The following SELENOW variants were observed in gnomAD, a reference collection of about 807,000 sequenced individuals.
SELENOW encodes selenoprotein W, 1.
A neutral mutation model predicts 16.6 loss-of-function variants in SELENOW; 20 were observed. That is an observed-to-expected ratio of 1.21 (90% confidence interval 0.85 to 1.76). The LOEUF (loss-of-function observed/expected upper bound fraction) is 1.76. Among genes scored for constraint, SELENOW ranks in the 40% most tolerant of loss-of-function variants. The pLI, the probability that SELENOW is intolerant of heterozygous loss-of-function variation, is 0.00. For synonymous variants in SELENOW, 44 were observed against 46.2 expected (o/e 0.95, Z 0.19); for missense variants, 124 against 111.0 (o/e 1.12, Z -0.53).
intron 1 of SELENOW, chr19:47,779,919 G>C (rs1310285207): frequency 3.6e-6 from 1 of 281,374 alleles, no homozygotes; most frequent in Non-Finnish European, 7.4e-6. Flanking sequence ...CTGGACTGCA[G>C]GTGACAGGGG....
At position 47,780,728 on chromosome 19, in the gene SELENOW, C is replaced by T. The variant is rs909196158; in HGVS notation, c.33C>T (p.Gly11=). Residue 11 remains glycine (G), a synonymous_variant, in exon 2 of 6, where the codon GGC becomes GGT. Coordinates refer to ENST00000601048, the MANE Select transcript of SELENOW (RefSeq NM_003009.4). MALAVRVVYC[G]AUGYKSKYLQ... ...ATGTCTTGGACTCTCCTACCAGTGG[C>T]GCTTGAGGCTACAAGTCCAAGGTAA... 1.2e-5 allele frequency: 18 copies of T among 1,560,950 alleles called. No homozygotes were observed. The highest frequency in any genetic ancestry group is 1.7e-4 in the Middle Eastern group (1 of 6,026).
At chr19:47,779,174 C>A (rs116732324) in intron 1 of SELENOW, 2,884 of 258,656 alleles carry the variant, frequency 0.011, 77 homozygotes, top group African/African-American at 0.06. Flanking sequence ...CCCAATATCC[C>A]GAACAGTCGC....
intron 1 of SELENOW, 57 bp from the exon 2 acceptor site, chr19:47,780,668 G>A (rs1281431084): frequency 1.1e-5 from 16 of 1,493,690 alleles, no homozygotes; most frequent in Admixed American, 2.0e-5. Flanking sequence ...TCCTCTCCCC[G>A]ATCCCCCACT....
At chr19:47,780,389 C>A (rs1967459023) in intron 1 of SELENOW, 1 of 429,888 alleles carries the variant, frequency 2.3e-6, no homozygotes, top group Non-Finnish European at 4.4e-6. Flanking sequence ...TGGTTTTCCC[C>A]CGTCCCCGTC....
intron 1 of SELENOW, chr19:47,780,516 G>C: frequency 1.7e-6 from 1 of 599,634 alleles, no homozygotes; most frequent in Non-Finnish European, 3.0e-6. Context: ...CACCCCCTGT[G>C]CTGTGTCCCA....
chr19:47,778,895 G>T lies in SELENOW; in HGVS notation c.29+81G>T, dbSNP rs2123695736. ...GGAGCCGGGGTCAGGGAGCCCCGGG[G>T]AGAGGACCCATGGGAGCCCTTGTAT... On this transcript the variant is annotated intron_variant, in intron 1 of 5. Transcript: ENST00000601048. The T allele has an allele frequency of 3.5e-6, 5 of 1,436,930 alleles. No homozygotes were observed. The South Asian group carries it at 6.2e-5, about 18-fold the overall frequency. 89.0% of individuals were successfully genotyped at this position (1,436,930 alleles called of 1,614,324 possible). A position where few individuals can be genotyped will look rare whatever the true frequency, so the allele number is the denominator to read the frequency against.
At chr19:47,778,920 T>G in intron 1 of SELENOW, 106 bp downstream of exon 1, 1 of 1,142,222 alleles carries the variant, frequency 8.8e-7, no homozygotes, top group Non-Finnish European at 1.2e-6. Flanking sequence ...AGCCCTTGTA[T>G]GGGAAAAGGG....
chr19:47,780,553 T>A, intron 1 of SELENOW, 172 bp from the exon 2 acceptor site: 1 of 625,448 alleles, frequency 1.6e-6, no homozygotes, highest in Non-Finnish European at 2.9e-6. Flanking sequence ...GTGCCTGTCT[T>A]CTCTCTTGAG....
chr19:47,781,941 GGATGACAGCTGAGATGGGGTATGCAA>G (rs1967482227), intron 5 of SELENOW, among the ~76,000 whole-genome samples: 1 of 152,100 alleles, frequency 6.6e-6, no homozygotes, highest in Admixed American at 6.6e-5. Flanking sequence ...GAGGTATGCA[GGATGACAGCTGAGATGGGGTATGCAA>G]GATGACAGCT....
chr19:47,783,802 A>G (rs1967502390), intron 5 of SELENOW: 1 of 152,238 alleles, frequency 6.6e-6, no homozygotes. Context: ...AAAGGAAAAG[A>G]AAAATGGAAT....
At chr19:47,780,307 G>A in intron 1 of SELENOW, 1 of 362,702 alleles carries the variant, frequency 2.8e-6, no homozygotes, top group Admixed American at 3.6e-5. Flanking sequence ...CGAGGGCTGT[G>A]GGTGAGGGTG....
At chr19:47,780,631 C>A in intron 1 of SELENOW, 94 bp from the exon 2 acceptor site, 2 of 1,075,448 alleles carry the variant, frequency 1.9e-6, no homozygotes. Flanking sequence ...CCATCTTGCT[C>A]TCTCCCCACA....
At chr19:47,780,418 C>T in intron 1 of SELENOW, 1 of 492,314 alleles carries the variant, frequency 2.0e-6, no homozygotes, top group Non-Finnish European at 3.7e-6. Flanking sequence ...TTGTGGTCTC[C>T]TTGTCTCCTC....
chr19:47,780,644 G>A (rs753289770), intron 1 of SELENOW, 81 bp from the exon 2 acceptor site: 9 of 1,242,032 alleles, frequency 7.2e-6, no homozygotes, highest in Middle Eastern at 2.1e-4. Flanking sequence ...TCCCCACACC[G>A]CCTGTGTCTA....
At chr19:47,782,681 C>G (rs898673131) in intron 5 of SELENOW, 1 of 152,140 alleles carries the variant, frequency 6.6e-6, no homozygotes, top group Non-Finnish European at 1.5e-5. Flanking sequence ...GCTGGGATTA[C>G]AGGCACATGC....
chr19:47,780,123 C>G (rs1296258771), intron 1 of SELENOW: 2 of 455,394 alleles, frequency 4.4e-6, no homozygotes, highest in Non-Finnish European at 4.4e-6. Context: ...CTAGGAGCTG[C>G]GGGGCCGGGT....
chr19:47,779,834 G>C (rs889147645), intron 1 of SELENOW: 11 of 174,118 alleles, frequency 6.3e-5, no homozygotes, highest in African/African-American at 2.1e-4. Flanking sequence ...ATTAAAGAGA[G>C]GAATTTTAGT....
intron 1 of SELENOW, chr19:47,779,249 G>C (rs1319389310): frequency 3.0e-5 from 5 of 166,454 alleles, no homozygotes; most frequent in Non-Finnish European, 5.2e-5. Flanking sequence ...AGAAGCACTT[G>C]AATTGTTGGC....
At chr19:47,781,890 TG>T (rs1406904090) in intron 5 of SELENOW, among the ~76,000 whole-genome samples, 1 of 150,088 alleles carries the variant, frequency 6.7e-6, no homozygotes, top group Non-Finnish European at 1.5e-5. Flanking sequence ...ACAGCTGAGA[TG>T]GGGTCAGAGG....
Sources: gnomAD v4.1 joint callset for allele counts (sites outside exome capture counted in the v4.1 genomes callset) on GRCh38, gnomAD v4.1.1 for gene constraint, MANE v1.5 for transcripts, NCBI Gene and HGNC (gene_info 2026-07-23, HGNC 2026-07-21) for gene names.